The following ZW10 variants were observed in gnomAD, a reference collection of about 807,000 sequenced individuals.
ZW10 encodes the protein zw10 kinetochore protein, also known as centromere/kinetochore protein zw10 homolog.
A neutral mutation model predicts 87.8 loss-of-function variants in ZW10; 53 were observed. The observed-to-expected ratio is 0.60, with a 90% CI of 0.48 to 0.76. The LOEUF is 0.76. ZW10 is among the 30% of genes least tolerant of loss of function. The probability of loss-of-function intolerance (pLI) is 0.00; values close to 1 mark genes in which losing one functional copy is unlikely to be tolerated. For synonymous variants in ZW10, 312 were observed against 329.2 expected, an observed-to-expected ratio of 0.95 and a Z score of 0.57; for missense variants, 837 against 923.0, an observed-to-expected ratio of 0.91 and a Z score of 1.21.
rs751717125 is a variant in ZW10 at position 113,737,698 on chromosome 11, C to T, written c.1890G>A (p.Leu630=). 1 of 1,610,146 alleles carries T rather than the reference C, an allele frequency of 6.2e-7. No homozygotes were observed. The highest frequency in any genetic ancestry group is 1.1e-5 in the South Asian group (1 of 90,552). Reference sequence around the variant, plus strand: ...CAATTCCAAGTCTCTTTAGTTGGTGCAGTACCTGTAGAAGAATACAGCTAT... The same window carrying T: ...CAATTCCAAGTCTCTTTAGTTGGTGTAGTACCTGTAGAAGAATACAGCTAT... ...SAASKAVRQV[L]HQLKRLGIVW... is the part of the protein sequence containing the mutation. The change falls in exon 14 of 16, where the codon CTG becomes CTA. Residue 630 remains leucine (L), a synonymous_variant. Transcript: ENST00000200135.
Position 113,768,854 on chromosome 11 carries a change from C to T in ZW10, c.219G>A (p.Leu73=). 6.2e-7 allele frequency: 1 copy of T among 1,614,162 alleles called. No homozygotes were observed. Among genetic ancestry groups the T allele is most frequent in the Non-Finnish European group, 8.5e-7 (1 of 1,180,022 alleles). ...TTACCTCACTCTCTATCCTGGATTT[C>T]AGCAGGTCAATGTCTTCAGATAGCT... ...VDKLSEDIDL[L]KSRIESEVRR... Residue 73 remains leucine, a synonymous_variant, in exon 2 of 16, where the codon CTG becomes CTA. Transcript: ENST00000200135.
Position 113,739,364 on chromosome 11 carries a change from A to C in ZW10, c.1602T>G (p.Leu534=). The C allele has an allele frequency of 6.9e-6, 11 of 1,604,796 alleles. No homozygotes were observed. Among genetic ancestry groups the C allele is most frequent in the Non-Finnish European group, 9.4e-6 (11 of 1,175,816 alleles). ...TGTGATGAATAGCAGCCAACTGGGG[A>C]AGTTTTTGAAGGTTCTCCCTAGGCC... is the stretch of plus-strand genomic sequence containing the variant. ...PTYHKENLQK[L]PQLAAIHHNN... Residue 534 remains leucine, a synonymous_variant, in exon 12 of 16, where the codon CTT becomes CTG. Transcript: ENST00000200135.
rs552062250 is a variant in ZW10, at chr11:113,766,842, C to A, written c.240+1991G>T. 8.0e-3 allele frequency among the ~76,000 whole-genome samples: 1,201 copies of A among 150,838 alleles called. 18 individuals carry two copies. Among genetic ancestry groups the A allele is most frequent in the African/African-American group, 0.028 (1,160 of 41,094 alleles). On this transcript the variant is annotated intron_variant, in intron 2 of 15. Coordinates refer to ENST00000200135, the MANE Select transcript of ZW10 (RefSeq NM_004724.4). ...GACTAGTCTGGCCAACATGGTGAAA[C>A]CCTGTCTCTACTAAAAATACAAAAA...
At chr11:113,737,743 C>A (rs770841176) in intron 13 of ZW10, 40 bp from the exon 14 acceptor site, 16 of 1,556,070 alleles carry the variant, frequency 1.0e-5, no homozygotes, top group Admixed American at 1.9e-5. Context: ...AGAAAGATTA[C>A]TGTGACTCGT....
At chr11:113,764,911 T>A (rs1953895937) in intron 2 of ZW10, among the ~76,000 whole-genome samples, 1 of 152,226 alleles carries the variant, frequency 6.6e-6, no homozygotes, top group African/African-American at 2.4e-5. Context: ...CCACTCCGTA[T>A]ATATTGATAC....
intron 9 of ZW10, among the ~76,000 whole-genome samples, chr11:113,746,819 G>A (rs985181797): frequency 6.6e-6 from 1 of 152,144 alleles, no homozygotes; most frequent in Non-Finnish European, 1.5e-5. Context: ...GCATAGTGAA[G>A]GATGAATGCA....
In ZW10 at chr11:113,760,220, G is replaced by T; in HGVS notation, c.569C>A (p.Pro190Gln). The T allele has an allele frequency of 6.2e-7, 1 of 1,613,854 alleles. No homozygotes were observed. Among genetic ancestry groups the T allele is most frequent in the Non-Finnish European group, 8.5e-7 (1 of 1,179,922 alleles). Residue 190 changes from proline (P) to glutamine (Q), a missense_variant, in exon 5 of 16, where the codon CCA becomes CAA. Transcript: ENST00000200135. ...GAGGTCAGCAGCACCTTTTGATGGT[G>T]GGAACTTCCATACAATCAGCTTCTG... is the stretch of plus-strand genomic sequence containing the variant. Reference protein sequence around the residue: ...EWQKLIVWKFPPSKDTSSLES... With the variant: ...EWQKLIVWKFQPSKDTSSLES...
intron 6 of ZW10, 113 bp downstream of exon 6, chr11:113,758,441 G>T: frequency 1.0e-6 from 1 of 979,084 alleles, no homozygotes; most frequent in Non-Finnish European, 1.5e-6. Context: ...GAATCAAGAG[G>T]CCAGACCCTA....
At chr11:113,754,466 C>T (rs1157172532) in intron 7 of ZW10, among the ~76,000 whole-genome samples, 1 of 152,030 alleles carries the variant, frequency 6.6e-6, no homozygotes, top group African/African-American at 2.4e-5. Flanking sequence ...GCCTGGGCAA[C>T]AGAGTGCGAC....
chr11:113,737,551 G>A (rs1953567145), intron 14 of ZW10, 21 bp downstream of exon 14: 1 of 1,566,924 alleles, frequency 6.4e-7, no homozygotes, highest in Non-Finnish European at 8.7e-7. Context: ...CAAGGCTAGT[G>A]TAGCATCTAA....
intron 9 of ZW10, among the ~76,000 whole-genome samples, chr11:113,746,495 C>CAAAAAAAAAAAAAAAAAACAAA (rs1953677637): frequency 9.5e-6 from 1 of 105,344 alleles, no homozygotes; most frequent in Non-Finnish European, 1.8e-5. Context: ...ACAAAACAGT[C>CAAAAAAAAAAAAAAAAAACAAA]AAAAAAAAAA....
chr11:113,741,702 T>G lies in ZW10; in HGVS notation c.1575A>C (p.Thr525=). 1 of 1,599,926 alleles carries G rather than the reference T, an allele frequency of 6.3e-7. No individual in the cohort carries two copies. Among genetic ancestry groups the G allele is most frequent in the Non-Finnish European group, 8.5e-7 (1 of 1,172,840 alleles). Residue 525 remains threonine, a synonymous_variant, in exon 11 of 16, where the codon ACA becomes ACC. Transcript: ENST00000200135. The part of the protein sequence containing the change: ...IFHLFHDVVP[T]YHKENLQKLP... ...GATACAGTGGTACTTACTTGTGATATGTTGGTACAACATCATGGAACAAAT... is the reference window on the plus strand; with the variant it reads ...GATACAGTGGTACTTACTTGTGATAGGTTGGTACAACATCATGGAACAAAT...
intron 11 of ZW10, among the ~76,000 whole-genome samples, chr11:113,740,934 T>C (rs910108550): frequency 2.0e-5 from 3 of 152,236 alleles, no homozygotes; most frequent in African/African-American, 7.2e-5. Flanking sequence ...GCAAATATGT[T>C]TTCTCTTTTC....
chr11:113,735,164 A>G (rs1244096593), intron 15 of ZW10, among the ~76,000 whole-genome samples: 1 of 152,194 alleles, frequency 6.6e-6, no homozygotes, highest in Non-Finnish European at 1.5e-5. Context: ...TTACAACTTT[A>G]GCCTTATATT....
intron 8 of ZW10, 34 bp from the exon 9 acceptor site, chr11:113,747,747 T>C (rs973224673): frequency 6.0e-6 from 9 of 1,498,892 alleles, no homozygotes; most frequent in Non-Finnish European, 8.1e-6. Flanking sequence ...AAAAGAATCA[T>C]TTACATATAT....
chr11:113,737,580 C>A lies in ZW10; in HGVS notation c.2008G>T (p.Ala670Ser). ...AISEVIGKIT[A>S]LEDISTEDGD... is the part of the protein sequence containing the mutation. ...CATCTAATGGCCCTTACCTCTAGGG[C>A]AGTAATTTTGCCAATGACCTCAGAA... The change falls in exon 14 of 16, where the codon GCC becomes TCC. Residue 670 changes from alanine (A) to serine (S), a missense_variant. Transcript: ENST00000200135. 1.9e-6 allele frequency: 3 copies of A among 1,611,360 alleles called. No homozygotes were observed. The highest frequency in any genetic ancestry group is 1.3e-5 in the African/African-American group (1 of 75,002).
intron 1 of ZW10, chr11:113,770,126 T>C (rs1953948769): frequency 6.6e-6 from 1 of 152,664 alleles, no homozygotes; most frequent in Non-Finnish European, 1.4e-5. Context: ...TCTCGCTCTG[T>C]CATCCAGGCT....
Position 113,747,612 on chromosome 11 carries a change from A to C in ZW10, c.1191T>G (p.Ser397=). The change falls in exon 9 of 16, where the codon TCT becomes TCG. Residue 397 remains serine, a synonymous_variant. Coordinates refer to ENST00000200135, the MANE Select transcript of ZW10 (RefSeq NM_004724.4). ...DLLKYARNIN[S]HFANKKCQDV... is the part of the protein sequence containing the mutation. Reference sequence around the variant, plus strand: ...CCTGGCACTTTTTGTTTGCAAAATGAGAATTGATGTTACGAGCGTATTTCA... The same window carrying C: ...CCTGGCACTTTTTGTTTGCAAAATGCGAATTGATGTTACGAGCGTATTTCA... 1 of 1,613,884 alleles carries C rather than the reference A, an allele frequency of 6.2e-7. No individual in the cohort carries two copies. Among genetic ancestry groups the C allele is most frequent in the Non-Finnish European group, 8.5e-7 (1 of 1,179,838 alleles).
intron 2 of ZW10, among the ~76,000 whole-genome samples, chr11:113,762,798 G>A (rs1379235847): frequency 6.6e-6 from 1 of 152,172 alleles, no homozygotes; most frequent in Non-Finnish European, 1.5e-5. Flanking sequence ...GATTACAGGT[G>A]TAAGCCACTG....
Sources: gnomAD v4.1 joint callset for allele counts (sites outside exome capture counted in the v4.1 genomes callset) on GRCh38, gnomAD v4.1.1 for gene constraint, MANE v1.5 for transcripts, NCBI Gene and HGNC (gene_info 2026-07-23, HGNC 2026-07-21) for gene names.